Variants in DNM1L observed in about 807,000 individuals in gnomAD.
DNM1L encodes the protein dynamin-1-like protein.
A neutral mutation model predicts 92.8 loss-of-function variants in DNM1L; 33 were observed. The observed-to-expected ratio is 0.36, with a 90% CI of 0.27 to 0.48. DNM1L has a LOEUF of 0.48. Among genes scored for constraint, DNM1L ranks in the 20% least tolerant of loss-of-function variants. The probability of loss-of-function intolerance (pLI) is 0.99; values close to 1 mark genes in which losing one functional copy is unlikely to be tolerated. For missense variants in DNM1L, 485 were observed against 888.8 expected, an observed-to-expected ratio of 0.55 and a Z score of 5.78; for synonymous variants, 284 against 305.0, an observed-to-expected ratio of 0.93 and a Z score of 0.72.
rs1250597872 is a variant in DNM1L, at chr12:32,737,277, T to C, written c.1596+116T>C. The C allele has an allele frequency of 4.0e-6, 4 of 995,278 alleles. No individual in the cohort carries two copies. In the Admixed American group the frequency reaches 8.1e-5, roughly 20 times the overall value. The allele number at this position is 995,278 out of a possible 1,614,324, so 61.7% of individuals were successfully genotyped here. On this transcript the variant is annotated intron_variant, in intron 14 of 19. Coordinates refer to ENST00000549701, the MANE Select transcript of DNM1L (RefSeq NM_012062.5). ...TCTTTTCCTCCCTTTAACACTCCAT[T>C]GGAACTAACTGAGTAAAGGCATACA...
rs1485087750 is a variant in DNM1L, at chr12:32,744,038, TG to T, written c.*631del. The T allele has an allele frequency of 6.6e-6, 1 of 152,438 alleles. No homozygotes were observed. The highest frequency in any genetic ancestry group is 2.4e-5 in the African/African-American group (1 of 41,464). The allele number at this position is 152,438 out of a possible 1,614,324, so 9.4% of individuals were successfully genotyped here. On this transcript the variant is annotated 3_prime_UTR_variant, in exon 20 of 20. Coordinates refer to ENST00000549701, the MANE Select transcript of DNM1L (RefSeq NM_012062.5). ...TGTAGTTACATAGCCCTTCCAATTC[TG>T]GGTCCATTTGCACTAGCAAATTAAA...
Position 32,718,757 on chromosome 12 carries a change from T to G in DNM1L, c.734T>G (p.Val245Gly). 1 of 1,613,816 alleles carries G rather than the reference T, an allele frequency of 6.2e-7. No individual in the cohort carries two copies. The highest frequency in any genetic ancestry group is 8.5e-7 in the Non-Finnish European group (1 of 1,179,814). The change falls in exon 7 of 20, where the codon GTT becomes GGT. Residue 245 changes from valine (V) to glycine (G), a missense_variant. Physicochemically the swap from Val to Gly is moderately radical, Grantham distance 109 (BLOSUM62 -3). Coordinates refer to ENST00000549701, the MANE Select transcript of DNM1L (RefSeq NM_012062.5). ...IPVKLGIIGVVNRSQLDINNK... is the reference protein window; with the variant it reads ...IPVKLGIIGVGNRSQLDINNK... ...GTCAAACTTGGAATAATTGGAGTAGTTAACAGGTTAGCAGTTAGAATGGGA... is the reference window on the plus strand; with the variant it reads ...GTCAAACTTGGAATAATTGGAGTAGGTAACAGGTTAGCAGTTAGAATGGGA...
chr12:32,696,317 G>T (rs1242750824), intron 1 of DNM1L, among the ~76,000 whole-genome samples: 1 of 151,680 alleles, frequency 6.6e-6, no homozygotes, highest in Non-Finnish European at 1.5e-5. Context: ...TGGGGGTATC[G>T]CTTGAGCCCA....
At chr12:32,683,307 C>T (rs560472583) in intron 1 of DNM1L, among the ~76,000 whole-genome samples, 2 of 151,410 alleles carry the variant, frequency 1.3e-5, no homozygotes, top group Admixed American at 1.3e-4. Flanking sequence ...TCACTGTAAC[C>T]TCAAATTCCT....
In DNM1L at chr12:32,679,909, TTTTA is replaced by T. The variant is rs1316218911; in HGVS notation, c.102+448_102+451del. The T allele has an allele frequency of 4.1e-6, 4 of 986,776 alleles. No individual in the cohort carries two copies. The African/African-American group carries it at 7.0e-5, about 17-fold the overall frequency. 61.1% of individuals were successfully genotyped at this position (986,776 alleles called of 1,614,324 possible). On this transcript the variant is annotated intron_variant, in intron 1 of 19. Coordinates refer to ENST00000549701, the MANE Select transcript of DNM1L (RefSeq NM_012062.5). The stretch of plus-strand genomic sequence containing the variant: ...ACTGTTGGCTTTCGTGAGACGGGTG[TTTTA>T]TTTCCCTCCTTGCCTTGCCCAGGGA...
chr12:32,730,576 GT>G (rs1217785516), intron 9 of DNM1L, among the ~76,000 whole-genome samples: 2 of 152,178 alleles, frequency 1.3e-5, no homozygotes, highest in Non-Finnish European at 2.9e-5. Flanking sequence ...TAATGGTAGA[GT>G]TGAGTAGTTG....
intron 1 of DNM1L, among the ~76,000 whole-genome samples, chr12:32,690,405 T>G (rs1952186109): frequency 1.3e-5 from 2 of 152,314 alleles, no homozygotes; most frequent in Admixed American, 6.5e-5. Context: ...TAATGCCTGC[T>G]TTAGGTGGGT....
chr12:32,738,071 T>C (rs1403828416), intron 15 of DNM1L, 129 bp downstream of exon 15: 2 of 1,098,268 alleles, frequency 1.8e-6, no homozygotes, highest in Non-Finnish European at 2.6e-6. Flanking sequence ...CACTTTAGTC[T>C]AATATATATT....
At chr12:32,717,258 GTA>G (rs1194600737) in intron 6 of DNM1L, among the ~76,000 whole-genome samples, 48 of 91,636 alleles carry the variant, frequency 5.2e-4, no homozygotes, top group South Asian at 1.4e-3. Context: ...AGTATATATA[GTA>G]TATATATACT....
intron 1 of DNM1L, among the ~76,000 whole-genome samples, chr12:32,691,533 G>A (rs1477532218): frequency 1.3e-5 from 2 of 152,130 alleles, no homozygotes; most frequent in Non-Finnish European, 2.9e-5. Flanking sequence ...ATGAGCCACC[G>A]TGCCCGGCTG....
intron 2 of DNM1L, among the ~76,000 whole-genome samples, chr12:32,706,302 C>T (rs953059778): frequency 1.3e-5 from 2 of 152,196 alleles, no homozygotes; most frequent in African/African-American, 4.8e-5. Flanking sequence ...AGGACCGACT[C>T]ACTCTTCTGT....
chr12:32,718,789 TTGGGATAAGCATTCTTAGAA>T lies in DNM1L; in HGVS notation c.740+42_740+61del, dbSNP rs1565520436. ...GTTAGCAGTTAGAATGGGATAAGAA[TTGGGATAAGCATTCTTAGAA>T]TGGGATAAGCATTCTCACTTCAGAG... On this transcript the variant is annotated intron_variant, in intron 7 of 19. Transcript: ENST00000549701. 3.7e-6 allele frequency: 6 copies of T among 1,612,258 alleles called. No individual in the cohort carries two copies. The African/African-American group carries it at 4.0e-5, about 11-fold the overall frequency.
At chr12:32,721,849 A>T (rs1216760125) in intron 8 of DNM1L, among the ~76,000 whole-genome samples, 1 of 152,176 alleles carries the variant, frequency 6.6e-6, no homozygotes, top group Non-Finnish European at 1.5e-5. Flanking sequence ...TGAATTTGTT[A>T]GAGTGGCTCA....
At chr12:32,721,947 T>TGCACAGGGCTGGGCATGTGG (rs1186367334) in intron 8 of DNM1L, among the ~76,000 whole-genome samples, 1 of 152,194 alleles carries the variant, frequency 6.6e-6, no homozygotes, top group Non-Finnish European at 1.5e-5. Context: ...GATGAAGAGA[T>TGCACAGGGCTGGGCATGTGG]GCACAGGGCT....
At chr12:32,707,849 G>T in intron 3 of DNM1L, among the ~76,000 whole-genome samples, 1 of 151,924 alleles carries the variant, frequency 6.6e-6, no homozygotes, top group Admixed American at 6.6e-5. Flanking sequence ...TACTTGGAAG[G>T]CTGAGTCGGG....
At chr12:32,740,028 G>A in intron 16 of DNM1L, 36 bp from the exon 17 acceptor site, 1 of 1,613,858 alleles carries the variant, frequency 6.2e-7, no homozygotes, top group South Asian at 1.1e-5. Context: ...GGTCAGATAT[G>A]ATGTGGTTGG....
At position 32,698,821 on chromosome 12, in the gene DNM1L, AT is replaced by A. The variant is rs1242571426; in HGVS notation, c.103-2591del. The stretch of plus-strand genomic sequence containing the variant: ...GCTGTTAGTATTGATATTTTTGATT[AT>A]TTAGTAATTGGATATTGGTATTGTA... On this transcript the variant is annotated intron_variant, in intron 1 of 19. Transcript: ENST00000549701. Among the ~76,000 whole-genome samples the A allele has an allele frequency of 2.0e-5, 3 of 152,100 alleles. No individual in the cohort carries two copies. The South Asian group carries it at 6.2e-4, about 32-fold the overall frequency.
At chr12:32,724,588 AAAAAAAT>A (rs1446843875) in intron 9 of DNM1L, among the ~76,000 whole-genome samples, 429 of 67,960 alleles carry the variant, frequency 6.3e-3, no homozygotes, top group Middle Eastern at 0.034. Context: ...AAAAAAAAAA[AAAAAAAT>A]ATATATATAT....
At chr12:32,704,691 C>T (rs1018809140) in intron 2 of DNM1L, among the ~76,000 whole-genome samples, 4 of 152,172 alleles carry the variant, frequency 2.6e-5, no homozygotes, top group South Asian at 2.1e-4. Context: ...AGTAAAATTA[C>T]ACATTAGAAT....
Sources: gnomAD v4.1 joint callset for allele counts (sites outside exome capture counted in the v4.1 genomes callset) on GRCh38, gnomAD v4.1.1 for gene constraint, MANE v1.5 for transcripts, NCBI Gene and HGNC (gene_info 2026-07-23, HGNC 2026-07-21) for gene names.